Variants in NAV2 observed in about 807,000 individuals in gnomAD.
NAV2 encodes neuron navigator 2, also known as helicase, APC down-regulated 1.
In NAV2, 54 loss-of-function variants were observed where a neutral mutation model predicts 223.2. The observed-to-expected ratio is 0.24, with a 90% CI of 0.19 to 0.30. The LOEUF (loss-of-function observed/expected upper bound fraction) is 0.30, where lower values mean the gene tolerates loss of function less well. NAV2 is among the 10% of genes least tolerant of loss of function. The pLI, the probability that NAV2 is intolerant of heterozygous loss-of-function variation, is 1.00. For synonymous variants in NAV2, 1,279 were observed against 1,239.3 expected (o/e 1.03, Z -0.67); for missense variants, 2,806 against 3,147.5 (o/e 0.89, Z 2.60).
In NAV2 at chr11:20,077,769, T is replaced by A. The variant is rs922571946; in HGVS notation, c.5067+134T>A. ...ACTGTTAAAGTTTAATTGTAAGGAG[T>A]CCAATCTGTTGAGTGAAAATATGAC... On this transcript the variant is annotated intron_variant, in intron 23 of 37. Transcript: ENST00000349880. 6 of 760,954 alleles carry A rather than the reference T, an allele frequency of 7.9e-6. No individual in the cohort carries two copies. In the African/African-American group the frequency reaches 1.0e-4, roughly 13 times the overall value. 47.1% of individuals were successfully genotyped at this position (760,954 alleles called of 1,614,324 possible). A position where few individuals can be genotyped will look rare whatever the true frequency, so the allele number is the denominator to read the frequency against.
chr11:19,444,684 A>T (rs1851520761), intron 1 of NAV2, among the ~76,000 whole-genome samples: 1 of 150,978 alleles, frequency 6.6e-6, no homozygotes, highest in South Asian at 2.1e-4. Context: ...TACTACCTTA[A>T]TAATTACATT....
In NAV2 at chr11:20,026,931, AGT is replaced by A. The variant is rs2055143779; in HGVS notation, c.2769-9025_2769-9024del. On this transcript the variant is annotated intron_variant, in intron 11 of 37. Coordinates refer to ENST00000349880, the MANE Select transcript of NAV2 (RefSeq NM_145117.5). ...CCTGACACATAGCAAACCATTAATA[AGT>A]GTTGGTGATTATTTTTATCAGAGTT... Among the ~76,000 whole-genome samples the A allele has an allele frequency of 6.6e-5, 10 of 152,226 alleles. No homozygotes were observed. In the South Asian group the frequency reaches 2.1e-3, roughly 31 times the overall value.
At chr11:19,935,557 C>T (rs1288805695) in intron 7 of NAV2, among the ~76,000 whole-genome samples, 1 of 152,134 alleles carries the variant, frequency 6.6e-6, no homozygotes, top group Non-Finnish European at 1.5e-5. Context: ...GAGCTGTGTT[C>T]TAGTGGTCTC....
At chr11:19,593,131 T>A (rs1487073667) in intron 1 of NAV2, among the ~76,000 whole-genome samples, 1 of 152,030 alleles carries the variant, frequency 6.6e-6, no homozygotes, top group Admixed American at 6.6e-5. Flanking sequence ...CCCTTCAGAG[T>A]CATACCCACC....
intron 1 of NAV2, among the ~76,000 whole-genome samples, chr11:19,430,274 T>G (rs1402932986): frequency 1.3e-5 from 2 of 152,218 alleles, no homozygotes; most frequent in Non-Finnish European, 2.9e-5. Flanking sequence ...TGGGGCAGTT[T>G]CCTAGAGTCA....
intron 1 of NAV2, among the ~76,000 whole-genome samples, chr11:19,627,130 G>C (rs1477955710): frequency 6.6e-6 from 1 of 152,206 alleles, no homozygotes; most frequent in Non-Finnish European, 1.5e-5. Context: ...ACTCACGCCT[G>C]TAATCCTAAC....
At chr11:19,425,176 G>A (rs934271554) in intron 1 of NAV2, among the ~76,000 whole-genome samples, 5 of 152,200 alleles carry the variant, frequency 3.3e-5, no homozygotes, top group African/African-American at 9.6e-5. Context: ...TCAGTGAAGA[G>A]ATTGTTTATA....
chr11:20,075,190 C>T (rs1297571865), intron 22 of NAV2, among the ~76,000 whole-genome samples: 5 of 150,710 alleles, frequency 3.3e-5, no homozygotes, highest in Non-Finnish European at 2.9e-5. Flanking sequence ...AATGCAGAGG[C>T]ACTGTCTCCA....
chr11:19,773,170 T>A (rs1012140802), intron 1 of NAV2, among the ~76,000 whole-genome samples: 4 of 152,190 alleles, frequency 2.6e-5, no homozygotes, highest in African/African-American at 7.2e-5. Context: ...ATATTTATCA[T>A]GTGGCTGCCA....
At chr11:19,829,985 G>C (rs576183032) in intron 1 of NAV2, among the ~76,000 whole-genome samples, 286 of 152,278 alleles carry the variant, frequency 1.9e-3, no homozygotes, top group African/African-American at 6.6e-3. Flanking sequence ...CTAGCACTTT[G>C]GGAGGCTGAG....
At chr11:19,890,037 C>A (rs1033082542) in intron 5 of NAV2, among the ~76,000 whole-genome samples, 5 of 152,204 alleles carry the variant, frequency 3.3e-5, no homozygotes, top group African/African-American at 1.2e-4. Context: ...CCTTCATGAA[C>A]CCGTGTTCAC....
chr11:19,645,995 C>T (rs1358496845), intron 1 of NAV2, among the ~76,000 whole-genome samples: 1 of 152,184 alleles, frequency 6.6e-6, no homozygotes, highest in Non-Finnish European at 1.5e-5. Flanking sequence ...TAGCTTCTCT[C>T]ATGCAATGTG....
intron 1 of NAV2, among the ~76,000 whole-genome samples, chr11:19,450,754 T>C (rs1421112235): frequency 7.9e-5 from 12 of 152,154 alleles, no homozygotes; most frequent in Admixed American, 6.5e-4. Flanking sequence ...CTTAATCAGT[T>C]TGGTTTGGCA....
At chr11:19,358,572 T>A (rs1006534496) in intron 1 of NAV2, among the ~76,000 whole-genome samples, 1 of 152,192 alleles carries the variant, frequency 6.6e-6, no homozygotes, top group African/African-American at 2.4e-5. Flanking sequence ...CAGTGAGACT[T>A]GAGGGACAAG....
At chr11:19,424,847 G>T (rs1422087552) in intron 1 of NAV2, among the ~76,000 whole-genome samples, 1 of 152,040 alleles carries the variant, frequency 6.6e-6, no homozygotes, top group Admixed American at 6.6e-5. Flanking sequence ...CACCGTGCCC[G>T]GCCTTAGTTT....
intron 17 of NAV2, among the ~76,000 whole-genome samples, chr11:20,051,960 C>T (rs895490477): frequency 2.0e-5 from 3 of 152,144 alleles, no homozygotes; most frequent in African/African-American, 7.2e-5. Flanking sequence ...GGCTCAGGTT[C>T]GTTTTTGGTG....
intron 1 of NAV2, among the ~76,000 whole-genome samples, chr11:19,475,762 A>G (rs1329746579): frequency 6.6e-6 from 1 of 152,194 alleles, no homozygotes; most frequent in Non-Finnish European, 1.5e-5. Flanking sequence ...GATAAAAGTC[A>G]GCCTGAAAAA....
chr11:19,731,866 G>T (rs930943349), intron 1 of NAV2, among the ~76,000 whole-genome samples: 1 of 152,230 alleles, frequency 6.6e-6, no homozygotes, highest in Admixed American at 6.5e-5. Context: ...GTGTGTGTTT[G>T]TGTGTATGTG....
intron 11 of NAV2, among the ~76,000 whole-genome samples, chr11:20,025,284 T>C (rs993011641): frequency 6.6e-6 from 1 of 152,230 alleles, no homozygotes; most frequent in East Asian, 1.9e-4. Context: ...CTTTTCACCT[T>C]GTATAAATGT....
Sources: gnomAD v4.1 joint callset for allele counts (sites outside exome capture counted in the v4.1 genomes callset) on GRCh38, gnomAD v4.1.1 for gene constraint, MANE v1.5 for transcripts, NCBI Gene and HGNC (gene_info 2026-07-23, HGNC 2026-07-21) for gene names.